Variants in AGBL3 observed in about 807,000 individuals in gnomAD.
AGBL3 encodes AGBL carboxypeptidase 3.
A neutral mutation model predicts 94.5 loss-of-function variants in AGBL3; 68 were observed. The observed-to-expected ratio is 0.72, with a 90% CI of 0.59 to 0.88. The LOEUF is 0.88. AGBL3 is among the 40% of genes least tolerant of loss of function. The pLI is 0.00. For synonymous variants in AGBL3, 354 were observed against 370.7 expected (o/e 0.95, Z 0.52); for missense variants, 934 against 1,103.8 (o/e 0.85, Z 2.18).
At chr7:135,010,185 C>G (rs923655475) in intron 4 of AGBL3, 1 of 336,786 alleles carries the variant, frequency 3.0e-6, no homozygotes, top group African/African-American at 2.3e-5. Flanking sequence ...CGTGCCACCA[C>G]GCTCAGCTAA....
intron 16 of AGBL3, chr7:135,129,422 G>A: frequency 1.3e-6 from 1 of 789,602 alleles, no homozygotes; most frequent in South Asian, 1.3e-5. Context: ...GGGTGATTCA[G>A]AAGGCACTGG....
rs1424263944 is a variant in AGBL3 at position 135,034,771 on chromosome 7, A to G, written c.1180A>G (p.Thr394Ala). 7 of 1,551,766 alleles carry G rather than the reference A, an allele frequency of 4.5e-6. No homozygotes were observed. The African/African-American group carries it at 6.8e-5, about 15-fold the overall frequency. Reference sequence around the variant, plus strand: ...AAGTGATGCACAGTTGCTTCGGGACACTTTTGTCTTCAAGGTGGTACCCAT... The same window carrying G: ...AAGTGATGCACAGTTGCTTCGGGACGCTTTTGTCTTCAAGGTGGTACCCAT... ...NSSDAQLLRD[T>A]FVFKVVPMLN... Residue 394 changes from threonine to alanine, a missense_variant, in exon 7 of 17, where the codon ACT becomes GCT. Physicochemically the swap from Thr to Ala is moderately conservative, Grantham distance 58. This residue lies in a region of AGBL3 where 488 missense variants were observed against 563.6 expected (regional missense o/e 0.87). Coordinates refer to ENST00000436302, the MANE Select transcript of AGBL3 (RefSeq NM_178563.4).
intron 12 of AGBL3, among the ~76,000 whole-genome samples, chr7:135,061,111 A>G (rs1167117057): frequency 6.6e-6 from 1 of 150,894 alleles, no homozygotes; most frequent in African/African-American, 2.4e-5. Flanking sequence ...TAATATCCAT[A>G]TGTGGTTTTA....
At chr7:135,128,368 T>A in intron 16 of AGBL3, 1 of 382,558 alleles carries the variant, frequency 2.6e-6, no homozygotes, top group East Asian at 5.5e-5. Context: ...GTCATGGCCC[T>A]GGTGGGAGTG....
chr7:135,089,441 C>G (rs560246954), intron 15 of AGBL3, among the ~76,000 whole-genome samples: 2 of 152,228 alleles, frequency 1.3e-5, no homozygotes, highest in African/African-American at 4.8e-5. Context: ...TTGCTTGTGT[C>G]CCTGCATTGA....
Position 135,045,797 on chromosome 7 carries a change from A to G in AGBL3, c.1729-2A>G, listed in dbSNP as rs1208153707. 2 of 1,535,724 alleles carry G rather than the reference A, an allele frequency of 1.3e-6. No individual in the cohort carries two copies. Among genetic ancestry groups the G allele is most frequent in the Non-Finnish European group, 1.8e-6 (2 of 1,136,412 alleles). On this transcript the variant is annotated splice_acceptor_variant, in intron 10 of 16. Coordinates refer to ENST00000436302, the MANE Select transcript of AGBL3 (RefSeq NM_178563.4). LOFTEE classifies it high-confidence loss of function. The stretch of plus-strand genomic sequence containing the variant: ...ATGAGCTCATTTATTACTTTTGCCT[A>G]GTATTATCGGTGCCTGAAAGAATTA...
At chr7:135,058,703 A>G (rs1818552373) in intron 11 of AGBL3, among the ~76,000 whole-genome samples, 1 of 152,156 alleles carries the variant, frequency 6.6e-6, no homozygotes, top group Non-Finnish European at 1.5e-5. Context: ...ACATTCAACA[A>G]AAACCCTCTA....
intron 5 of AGBL3, among the ~76,000 whole-genome samples, chr7:135,025,779 A>G (rs1815019616): frequency 6.6e-6 from 1 of 151,730 alleles, no homozygotes; most frequent in South Asian, 2.1e-4. Flanking sequence ...AAAAAAGGCC[A>G]GGAATCACGA....
intron 4 of AGBL3, among the ~76,000 whole-genome samples, chr7:135,009,658 T>C (rs550099577): frequency 3.9e-4 from 60 of 152,314 alleles, no homozygotes; most frequent in African/African-American, 1.4e-3. Context: ...ACCACAAGAA[T>C]AACTTTCCCA....
At chr7:135,043,390 A>G (rs1817050093) in intron 8 of AGBL3, among the ~76,000 whole-genome samples, 1 of 152,148 alleles carries the variant, frequency 6.6e-6, no homozygotes, top group Non-Finnish European at 1.5e-5. Flanking sequence ...TGTGGGAGCT[A>G]AAAATTAAAA....
At chr7:135,043,933 T>C in intron 8 of AGBL3, 92 bp from the exon 9 acceptor site, 1 of 1,435,692 alleles carries the variant, frequency 7.0e-7, no homozygotes, top group East Asian at 2.6e-5. Flanking sequence ...ATTATAGACT[T>C]TGCATAACCA....
chr7:135,016,316 T>G (rs1158660665), intron 4 of AGBL3, among the ~76,000 whole-genome samples: 1 of 152,200 alleles, frequency 6.6e-6, no homozygotes, highest in Non-Finnish European at 1.5e-5. Flanking sequence ...GTTTCTTCTG[T>G]AGCTAGATTT....
intron 12 of AGBL3, among the ~76,000 whole-genome samples, chr7:135,067,274 G>A (rs1819424557): frequency 6.6e-6 from 1 of 152,246 alleles, no homozygotes; most frequent in Non-Finnish European, 1.5e-5. Flanking sequence ...GCAGCTCAAG[G>A]AGGCCTGCCT....
intron 15 of AGBL3, among the ~76,000 whole-genome samples, chr7:135,098,128 TGAGTG>T (rs1196126702): frequency 6.6e-6 from 1 of 152,100 alleles, no homozygotes; most frequent in Non-Finnish European, 1.5e-5. Context: ...AGATACAAAG[TGAGTG>T]GACAGTTTTG....
At chr7:134,994,292 A>T (rs1810688789) in intron 4 of AGBL3, among the ~76,000 whole-genome samples, 2 of 148,530 alleles carry the variant, frequency 1.3e-5, no homozygotes, top group African/African-American at 5.0e-5. Flanking sequence ...TTCCTCTTTC[A>T]TTTTCTCTTT....
chr7:135,000,542 T>C (rs1483877703), intron 4 of AGBL3, among the ~76,000 whole-genome samples: 1 of 152,198 alleles, frequency 6.6e-6, no homozygotes, highest in East Asian at 1.9e-4. Context: ...GCTTTCCGAG[T>C]ACTACAGCTT....
At chr7:135,035,861 T>G in intron 7 of AGBL3, among the ~76,000 whole-genome samples, 1 of 152,166 alleles carries the variant, frequency 6.6e-6, no homozygotes, top group Non-Finnish European at 1.5e-5. Context: ...CTTAACTTGA[T>G]ATTCATGCCT....
At chr7:135,039,320 T>C (rs1816614401) in intron 8 of AGBL3, among the ~76,000 whole-genome samples, 2 of 152,206 alleles carry the variant, frequency 1.3e-5, no homozygotes, top group Admixed American at 1.3e-4. Flanking sequence ...AGAGGAACTC[T>C]TAAGGAACAT....
chr7:135,060,613 A>G (rs1172945008), intron 12 of AGBL3, among the ~76,000 whole-genome samples: 1 of 152,172 alleles, frequency 6.6e-6, no homozygotes, highest in East Asian at 1.9e-4. Flanking sequence ...CTATGAATTC[A>G]GCATTTTTTT....
Sources: allele counts gnomAD v4.1 joint callset (sites outside exome capture counted in the v4.1 genomes callset), GRCh38; gene constraint gnomAD v4.1.1; regional missense constraint gnomAD v4.1.1; transcripts MANE v1.5; gene names NCBI Gene and HGNC (gene_info 2026-07-23, HGNC 2026-07-21).